Variants in MELK observed in about 807,000 individuals in gnomAD.
MELK encodes maternal embryonic leucine zipper kinase, also known as pEg3 kinase.
Under a neutral mutation model 85.0 loss-of-function variants are expected in MELK, and 81 were observed. The observed-to-expected ratio is 0.95, with a 90% CI of 0.80 to 1.15. The LOEUF is 1.15. MELK is among the 50% of genes most tolerant of loss of function. The pLI is 0.00. For synonymous variants in MELK, 252 were observed against 265.0 expected, an observed-to-expected ratio of 0.95 and a Z score of 0.48; for missense variants, 754 against 777.5, an observed-to-expected ratio of 0.97 and a Z score of 0.36.
chr9:36,609,274 A>G lies in MELK; in HGVS notation c.666+1601A>G, dbSNP rs571114504. Among the ~76,000 whole-genome samples, 245 of 152,306 alleles carry G rather than the reference A, an allele frequency of 1.6e-3. 1 individual carries two copies. Among genetic ancestry groups the G allele is most frequent in the African/African-American group, 5.4e-3 (226 of 41,570 alleles). ...GGGTAAATATTATGGTATGTGAATTATGTTCAGTTAAAAAATCAAAAAAAT... is the reference window on the plus strand; with the variant it reads ...GGGTAAATATTATGGTATGTGAATTGTGTTCAGTTAAAAAATCAAAAAAAT... On this transcript the variant is annotated intron_variant, in intron 8 of 17. Transcript: ENST00000298048.
chr9:36,621,349 T>C (rs917171748), intron 8 of MELK, among the ~76,000 whole-genome samples: 3 of 140,486 alleles, frequency 2.1e-5, no homozygotes, highest in African/African-American at 7.8e-5. Flanking sequence ...CCCTAAGTGT[T>C]CCGAGTATTG....
At position 36,609,132 on chromosome 9, in the gene MELK, G is replaced by A. The variant is rs368386758; in HGVS notation, c.666+1459G>A. 5.3e-5 allele frequency among the ~76,000 whole-genome samples: 8 copies of A among 152,222 alleles called. No individual in the cohort carries two copies. In the East Asian group the frequency reaches 1.5e-3, roughly 29 times the overall value. ...TAAGTTGTTGCTTGGGGTTAGGGGT[G>A]GAGAGTGACTGCCTGTGAGTATGGG... On this transcript the variant is annotated intron_variant, in intron 8 of 17. Transcript: ENST00000298048.
Position 36,661,030 on chromosome 9 carries a change from C to G in MELK, c.1176+3667C>G, listed in dbSNP as rs1353311240. Among the ~76,000 whole-genome samples the G allele has an allele frequency of 2.6e-5, 4 of 152,048 alleles. No homozygotes were observed. In the South Asian group the frequency reaches 8.3e-4, roughly 32 times the overall value. On this transcript the variant is annotated intron_variant, in intron 13 of 17. Transcript: ENST00000298048. ...ACAAAGAATAAAAAAAGACAGCTTT[C>G]ATAGTAGGGTCTTCTAGGGAACTAC...
At chr9:36,664,559 C>G (rs1444767699) in intron 13 of MELK, among the ~76,000 whole-genome samples, 1 of 152,192 alleles carries the variant, frequency 6.6e-6, no homozygotes, top group African/African-American at 2.4e-5. Context: ...GAAGACTGGC[C>G]TGTGTTTACT....
intron 11 of MELK, among the ~76,000 whole-genome samples, chr9:36,647,698 G>A (rs1226813525): frequency 6.6e-6 from 1 of 151,692 alleles, no homozygotes; most frequent in Non-Finnish European, 1.5e-5. Flanking sequence ...CATGTTGGCT[G>A]GGCTGGTCTC....
At position 36,594,778 on chromosome 9, in the gene MELK, GA is replaced by G. The variant is rs771488888; in HGVS notation, c.405+8del. ...TCACAGGGACCTCAAGCCAGTAAGT[GA>G]CTGCATCACAGTTAGATGCTCACCT... On this transcript the variant is annotated splice_region_variant and intron_variant, in intron 5 of 17. Coordinates refer to ENST00000298048, the MANE Select transcript of MELK (RefSeq NM_014791.4). The G allele has an allele frequency of 6.2e-7, 1 of 1,611,538 alleles. No individual in the cohort carries two copies. Among genetic ancestry groups the G allele is most frequent in the Non-Finnish European group, 8.5e-7 (1 of 1,179,046 alleles).
At chr9:36,576,362 A>G (rs1016624871) in intron 1 of MELK, among the ~76,000 whole-genome samples, 2 of 152,088 alleles carry the variant, frequency 1.3e-5, no homozygotes, top group Non-Finnish European at 2.9e-5. Context: ...ATGGCTTAAT[A>G]TTGTTTATTT....
At chr9:36,616,544 C>T (rs1365461428) in intron 8 of MELK, among the ~76,000 whole-genome samples, 2 of 151,886 alleles carry the variant, frequency 1.3e-5, no homozygotes, top group South Asian at 2.1e-4. Flanking sequence ...CTCCCACCAC[C>T]GCGCCTAGCT....
chr9:36,590,504 CTG>C, intron 4 of MELK, among the ~76,000 whole-genome samples: 1 of 152,264 alleles, frequency 6.6e-6, no homozygotes, highest in Middle Eastern at 3.4e-3. Context: ...GTTTTCCTCT[CTG>C]TGTAGCTGTG....
intron 12 of MELK, among the ~76,000 whole-genome samples, chr9:36,653,088 A>G (rs1830872048): frequency 6.6e-6 from 1 of 152,202 alleles, no homozygotes; most frequent in Admixed American, 6.5e-5. Context: ...TGTTATAACC[A>G]AATTATTTTT....
At chr9:36,617,052 G>A (rs1213396498) in intron 8 of MELK, among the ~76,000 whole-genome samples, 1 of 152,066 alleles carries the variant, frequency 6.6e-6, no homozygotes, top group East Asian at 1.9e-4. Context: ...GTAGTCATTT[G>A]TACATTGTGA....
At chr9:36,654,857 G>A (rs940356391) in intron 12 of MELK, among the ~76,000 whole-genome samples, 3 of 152,200 alleles carry the variant, frequency 2.0e-5, no homozygotes, top group Non-Finnish European at 2.9e-5. Flanking sequence ...AACAAGAAGT[G>A]AAATAGAAAT....
intron 3 of MELK, among the ~76,000 whole-genome samples, chr9:36,585,033 A>C (rs552240622): frequency 1.4e-4 from 21 of 152,074 alleles, no homozygotes; most frequent in Non-Finnish European, 2.8e-4. Flanking sequence ...CCAGCATTTT[A>C]TTCAAAATGG....
At chr9:36,612,236 C>T (rs1826131829) in intron 8 of MELK, among the ~76,000 whole-genome samples, 1 of 151,690 alleles carries the variant, frequency 6.6e-6, no homozygotes, top group Admixed American at 6.6e-5. Flanking sequence ...GCTGGGATTA[C>T]AATCATGCGC....
At chr9:36,651,597 A>G (rs961544315) in intron 11 of MELK, 149 bp from the exon 12 acceptor site, 6 of 786,878 alleles carry the variant, frequency 7.6e-6, no homozygotes, top group African/African-American at 1.7e-5. Context: ...GGTGTGGTGC[A>G]CTGGTTGCTG....
intron 16 of MELK, among the ~76,000 whole-genome samples, chr9:36,673,031 G>A (rs1047245093): frequency 1.3e-5 from 2 of 152,166 alleles, no homozygotes; most frequent in African/African-American, 4.8e-5. Flanking sequence ...TGCAAGGATA[G>A]TAGAAATAAT....
intron 13 of MELK, among the ~76,000 whole-genome samples, 198 bp downstream of exon 13, chr9:36,657,561 A>G (rs546833227): frequency 4.6e-5 from 7 of 152,320 alleles, no homozygotes; most frequent in African/African-American, 1.7e-4. Flanking sequence ...ATTCTATTTT[A>G]GAGCTCTTTA....
chr9:36,587,411 G>C (rs1823027664), intron 3 of MELK, among the ~76,000 whole-genome samples: 1 of 151,256 alleles, frequency 6.6e-6, no homozygotes. Context: ...CTGCCTCCTG[G>C]GTTCGAGCAA....
chr9:36,634,502 G>T (rs1425045017), intron 10 of MELK, among the ~76,000 whole-genome samples: 1 of 152,104 alleles, frequency 6.6e-6, no homozygotes, highest in Non-Finnish European at 1.5e-5. Context: ...CTTGAGGTCA[G>T]GAGTTCCAGA....
Sources: allele counts gnomAD v4.1 joint callset (sites outside exome capture counted in the v4.1 genomes callset), GRCh38; gene constraint gnomAD v4.1.1; transcripts MANE v1.5; gene names NCBI Gene and HGNC (gene_info 2026-07-23, HGNC 2026-07-21).